The following PGS1 variants were observed in gnomAD, a reference collection of about 807,000 sequenced individuals.
The protein encoded by PGS1 is CDP-diacylglycerol--glycerol-3-phosphate 3-phosphatidyltransferase, mitochondrial.
A neutral mutation model predicts 58.3 loss-of-function variants in PGS1; 44 were observed. The observed-to-expected ratio is 0.75, with a 90% CI of 0.59 to 0.97. The LOEUF is 0.97. Among genes scored for constraint, PGS1 ranks in the 50% least tolerant of loss-of-function variants. The probability of loss-of-function intolerance (pLI) is 0.00; values close to 1 mark genes in which losing one functional copy is unlikely to be tolerated. For synonymous variants in PGS1, 330 were observed against 311.0 expected (o/e 1.06, Z -0.64); for missense variants, 684 against 731.1 (o/e 0.94, Z 0.74).
chr17:78,378,950 T>A (rs894095096), intron 1 of PGS1, 142 bp downstream of exon 1: 41 of 929,102 alleles, frequency 4.4e-5, no homozygotes, highest in Middle Eastern at 3.5e-4. Context: ...CTCCCGGGGC[T>A]CGGCGCCTGA....
At chr17:78,422,319 T>TTTTCTTTTCCCTCCGATAGCCCTA (rs2085888381) in intron 9 of PGS1, among the ~76,000 whole-genome samples, 1 of 152,078 alleles carries the variant, frequency 6.6e-6, no homozygotes, top group Non-Finnish European at 1.5e-5. Context: ...AGGGGAGGAT[T>TTTTCTTTTCCCTCCGATAGCCCTA]TTTCTTTTCC....
rs1057145278 is a variant in PGS1, at chr17:78,423,196, C to G, written c.*11-865C>G. Among the ~76,000 whole-genome samples, 5 of 152,054 alleles carry G rather than the reference C, an allele frequency of 3.3e-5. 1 individual carries two copies. Among genetic ancestry groups the G allele is most frequent in the African/African-American group, 1.2e-4 (5 of 41,526 alleles). On this transcript the variant is annotated intron_variant, in intron 9 of 9. Coordinates refer to ENST00000262764, the MANE Select transcript of PGS1 (RefSeq NM_024419.5). ...CTGTCTCCCCTCATCCCCCAGGTTG[C>G]TAGTTAATTCTCTCCCCTCGTGCCT...
chr17:78,395,096 G>T (rs557803272), intron 2 of PGS1, among the ~76,000 whole-genome samples: 5 of 152,180 alleles, frequency 3.3e-5, no homozygotes, highest in Non-Finnish European at 7.3e-5. Flanking sequence ...GTGTCACACC[G>T]AGTAGCACGT....
intron 1 of PGS1, among the ~76,000 whole-genome samples, chr17:78,388,601 C>T (rs1199144139): frequency 6.6e-6 from 1 of 151,956 alleles, no homozygotes; most frequent in African/African-American, 2.4e-5. Context: ...CTGCCTTAGA[C>T]TCCAGAGTGC....
chr17:78,421,656 T>A (rs368897014), intron 9 of PGS1: 1 of 152,424 alleles, frequency 6.6e-6, no homozygotes, highest in East Asian at 1.9e-4. Flanking sequence ...ACTGGGTTTC[T>A]GTTTGGAGAG....
intron 1 of PGS1, among the ~76,000 whole-genome samples, chr17:78,379,036 C>T (rs952565799): frequency 8.6e-5 from 13 of 152,042 alleles, no homozygotes; most frequent in African/African-American, 2.9e-4. Flanking sequence ...GTCCAGCCGG[C>T]GGGCCTCCTG....
chr17:78,381,486 TTGGTGTTCGAGTTATTCA>T (rs2082033660), intron 1 of PGS1, among the ~76,000 whole-genome samples: 1 of 152,184 alleles, frequency 6.6e-6, no homozygotes, highest in Admixed American at 6.5e-5. Flanking sequence ...CGTTGTGGCC[TTGGTGTTCGAGTTATTCA>T]TGTTTGTTGT....
intron 9 of PGS1, chr17:78,423,693 C>T (rs1020371413): frequency 6.7e-6 from 4 of 600,990 alleles, no homozygotes; most frequent in African/African-American, 5.6e-5. Flanking sequence ...TGGATGGGCA[C>T]AGCTGAGTGG....
intron 1 of PGS1, among the ~76,000 whole-genome samples, chr17:78,383,056 G>C (rs2082146772): frequency 6.6e-6 from 1 of 152,102 alleles, no homozygotes; most frequent in Non-Finnish European, 1.5e-5. Flanking sequence ...ATTTATCTGT[G>C]GCTTACTTTT....
In PGS1 at chr17:78,398,161, G is replaced by A. The variant is rs1425193219; in HGVS notation, c.412-91G>A. 4.5e-6 allele frequency: 4 copies of A among 894,910 alleles called. No individual in the cohort carries two copies. In the East Asian group the frequency reaches 7.2e-5, roughly 16 times the overall value. The allele number at this position is 894,910 out of a possible 1,614,324, so 55.4% of individuals were successfully genotyped here. A position where few individuals can be genotyped will look rare whatever the true frequency, so the allele number is the denominator to read the frequency against. ...CAAACCTATCTTTGGAGAAGATGAC[G>A]AGGGCACTAGCCGATGGGGCGATTT... On this transcript the variant is annotated intron_variant, in intron 3 of 9. Transcript: ENST00000262764.
At chr17:78,387,970 T>C (rs933384221) in intron 1 of PGS1, among the ~76,000 whole-genome samples, 2 of 152,214 alleles carry the variant, frequency 1.3e-5, no homozygotes, top group Non-Finnish European at 2.9e-5. Context: ...GCGACCTGTG[T>C]AAAACACTCA....
chr17:78,419,459 C>T, intron 8 of PGS1, 87 bp from the exon 9 acceptor site: 1 of 1,194,874 alleles, frequency 8.4e-7, no homozygotes, highest in Non-Finnish European at 1.2e-6. Context: ...TCTGGGCTGG[C>T]CTGAGGGGCT....
chr17:78,418,542 G>A (rs1047786490), intron 8 of PGS1, among the ~76,000 whole-genome samples: 1 of 152,106 alleles, frequency 6.6e-6, no homozygotes, highest in African/African-American at 2.4e-5. Context: ...TTGTTAATAA[G>A]TTCGTGGTGA....
At chr17:78,390,319 C>CG (rs1011500944) in intron 1 of PGS1, among the ~76,000 whole-genome samples, 21 of 87,724 alleles carry the variant, frequency 2.4e-4, no homozygotes, top group African/African-American at 8.5e-4. Flanking sequence ...CCTCTAGAGA[C>CG]GGGGGTGGGG....
chr17:78,403,151 C>T (rs374015562), intron 6 of PGS1, among the ~76,000 whole-genome samples: 32 of 152,248 alleles, frequency 2.1e-4, no homozygotes, highest in African/African-American at 6.0e-4. Flanking sequence ...ACATGCACCC[C>T]GAGCACCAGT....
intron 1 of PGS1, among the ~76,000 whole-genome samples, chr17:78,388,119 A>G (rs539861621): frequency 5.9e-5 from 9 of 152,360 alleles, no homozygotes; most frequent in African/African-American, 2.2e-4. Context: ...CTGTCAGTAC[A>G]CAGATTAAAC....
rs772915503 is a variant in PGS1 at position 78,378,669 on chromosome 17, G to A, written c.4G>A (p.Ala2Thr). Reference sequence around the variant, plus strand: ...GAAGCGGAAGCGGCGAGTCTCCATGGCGGTGGCGGCGGCAGCTGCGGCGGG... The same window carrying A: ...GAAGCGGAAGCGGCGAGTCTCCATGACGGTGGCGGCGGCAGCTGCGGCGGG... M[A>T]VAAAAAAGPV... is the part of the protein sequence containing the mutation. Residue 2 changes from alanine to threonine, a missense_variant, in exon 1 of 10, where the codon GCG (alanine) becomes ACG (threonine). Transcript: ENST00000262764. 8 of 1,533,722 alleles carry A rather than the reference G, an allele frequency of 5.2e-6. No homozygotes were observed. In the East Asian group the frequency reaches 1.8e-4, roughly 35 times the overall value.
chr17:78,422,074 ACTTT>A (rs1487150535), intron 9 of PGS1, among the ~76,000 whole-genome samples: 2 of 152,264 alleles, frequency 1.3e-5, no homozygotes, highest in African/African-American at 4.8e-5. Context: ...GGACTAGATT[ACTTT>A]CTTATTTCAG....
chr17:78,401,680 G>A (rs926865149), intron 6 of PGS1, among the ~76,000 whole-genome samples: 1 of 152,082 alleles, frequency 6.6e-6, no homozygotes, highest in African/African-American at 2.4e-5. Context: ...TTGTGTCAGG[G>A]GAGCCCTGGG....
Sources: allele counts gnomAD v4.1 joint callset (sites outside exome capture counted in the v4.1 genomes callset), GRCh38; gene constraint gnomAD v4.1.1; transcripts MANE v1.5; gene names NCBI Gene and HGNC (gene_info 2026-07-23, HGNC 2026-07-21).